The following GPHN variants were observed in gnomAD, a reference collection of about 807,000 sequenced individuals.
GPHN encodes the protein gephyrin.
GPHN carries 17 observed loss-of-function variants against 95.5 expected under a neutral mutation model. That is an observed-to-expected ratio of 0.18 (90% CI 0.12 to 0.27). The LOEUF is 0.27. Among genes scored for constraint, GPHN ranks in the 10% least tolerant of loss-of-function variants. The pLI is 1.00. For missense variants in GPHN, 660 were observed against 978.1 expected, an observed-to-expected ratio of 0.67 and a Z score of 4.34; for synonymous variants, 320 against 322.5, an observed-to-expected ratio of 0.99 and a Z score of 0.08.
At chr14:66,508,935 T>A (rs376265790) in intron 1 of GPHN, 15 of 368,580 alleles carry the variant, frequency 4.1e-5, no homozygotes, top group East Asian at 2.7e-4. Context: ...CTCCGCAGTC[T>A]GAAGCATGCC....
At chr14:66,600,886 A>G (rs1303613213) in intron 1 of GPHN, among the ~76,000 whole-genome samples, 1 of 152,088 alleles carries the variant, frequency 6.6e-6, no homozygotes, top group Non-Finnish European at 1.5e-5. Context: ...CCTCCTGCAC[A>G]TTTCCACAAA....
chr14:67,497,717 G>A, the GPHN span, among the ~76,000 whole-genome samples: 2 of 152,186 alleles, frequency 1.3e-5, no homozygotes, highest in African/African-American at 2.4e-5. Context: ...ACTGTACTTT[G>A]TGTTCTTTTG....
chr14:67,023,667 T>C lies in GPHN; in HGVS notation c.998T>C (p.Leu333Pro). ...QSRCSSKENI[L>P]RASHSAVDIT... is the part of the protein sequence containing the mutation. ...AGGTGCAGCAGCAAGGAGAACATTC[T>C]CAGAGCCAGTAAGTATTTTACCATT... Residue 333 changes from leucine (L) to proline (P), a missense_variant, in exon 10 of 23, where the codon CTC becomes CCC. Physicochemically the swap from Leu to Pro is moderately conservative, Grantham distance 98. Transcript: ENST00000478722. 2 of 1,612,650 alleles carry C rather than the reference T, an allele frequency of 1.2e-6. No individual in the cohort carries two copies. Among genetic ancestry groups the C allele is most frequent in the Non-Finnish European group, 1.7e-6 (2 of 1,178,778 alleles).
At chr14:67,198,049 A>G in the GPHN span, 1 of 1,313,166 alleles carries the variant, frequency 7.6e-7, no homozygotes, top group Non-Finnish European at 1.0e-6. Context: ...TATTGATAAA[A>G]TTTGCTGAAT....
At chr14:66,815,013 G>C (rs2153485686) in intron 3 of GPHN, among the ~76,000 whole-genome samples, 1 of 152,230 alleles carries the variant, frequency 6.6e-6, no homozygotes, top group South Asian at 2.1e-4. Flanking sequence ...AGTTCATAAT[G>C]CAATCACAAT....
the GPHN span, among the ~76,000 whole-genome samples, chr14:67,309,264 G>A: frequency 6.6e-6 from 1 of 152,118 alleles, no homozygotes; most frequent in Non-Finnish European, 1.5e-5. Context: ...AAGATTGGTG[G>A]AGATAACTTC....
chr14:67,521,988 A>G, the GPHN span, among the ~76,000 whole-genome samples: 1 of 152,100 alleles, frequency 6.6e-6, no homozygotes, highest in Non-Finnish European at 1.5e-5. Flanking sequence ...CAGCCTGACT[A>G]ACATAGTGAA....
chr14:67,392,839 C>G, the GPHN span: 55 of 1,610,230 alleles, frequency 3.4e-5, no homozygotes, highest in Middle Eastern at 1.7e-4. Context: ...GCCAGTCCAC[C>G]AGGGAGGAGC....
At chr14:66,910,941 A>G (rs868358547) in intron 5 of GPHN, among the ~76,000 whole-genome samples, 5 of 152,060 alleles carry the variant, frequency 3.3e-5, no homozygotes, top group African/African-American at 1.2e-4. Context: ...ATAGCTATGC[A>G]TATCAGCATG....
At chr14:67,278,984 C>G in the GPHN span, 1 of 524,320 alleles carries the variant, frequency 1.9e-6, no homozygotes, top group Non-Finnish European at 3.2e-6. Context: ...TATTGTAATT[C>G]TTACACTTTT....
the GPHN span, among the ~76,000 whole-genome samples, chr14:67,307,522 A>C: frequency 1.3e-5 from 2 of 152,246 alleles, no homozygotes; most frequent in East Asian, 3.8e-4. Flanking sequence ...GGCACTACAG[A>C]GATAACTGTG....
chr14:66,829,082 C>G, intron 4 of GPHN, among the ~76,000 whole-genome samples: 1 of 80,096 alleles, frequency 1.2e-5, no homozygotes, highest in East Asian at 3.3e-4. Context: ...GATTGCTTGC[C>G]TTTTTTTTTT....
At chr14:67,696,290 A>C in the GPHN span, among the ~76,000 whole-genome samples, 1 of 152,178 alleles carries the variant, frequency 6.6e-6, no homozygotes, top group Non-Finnish European at 1.5e-5. Flanking sequence ...AATCCTGGTT[A>C]GGCAGTTACC....
intron 11 of GPHN, among the ~76,000 whole-genome samples, chr14:67,076,517 C>G (rs1207884573): frequency 6.6e-6 from 1 of 151,968 alleles, no homozygotes; most frequent in Non-Finnish European, 1.5e-5. Context: ...TCATAGTAAC[C>G]CTCTTAATCC....
intron 10 of GPHN, among the ~76,000 whole-genome samples, chr14:67,039,517 G>C (rs117822119): frequency 0.024 from 3,686 of 152,338 alleles, 71 homozygotes; most frequent in Non-Finnish European, 0.036. Context: ...TCCCAGGCCA[G>C]GTGCAGTGGC....
At chr14:66,894,465 G>A (rs1211161422) in intron 5 of GPHN, among the ~76,000 whole-genome samples, 1 of 152,194 alleles carries the variant, frequency 6.6e-6, no homozygotes, top group Non-Finnish European at 1.5e-5. Flanking sequence ...AAGACTTCAT[G>A]TCTAAAACAC....
At chr14:66,509,453 T>C (rs567826495) in intron 1 of GPHN, 2 of 152,128 alleles carry the variant, frequency 1.3e-5, no homozygotes, top group Non-Finnish European at 2.9e-5. Flanking sequence ...GCGAAAGCCG[T>C]GTGTGTTCTG....
At chr14:67,721,829 A>G in the GPHN span, among the ~76,000 whole-genome samples, 1 of 151,856 alleles carries the variant, frequency 6.6e-6, no homozygotes, top group South Asian at 2.1e-4. Context: ...TACAAGTGAG[A>G]AAACTGAGTT....
chr14:66,682,326 T>A (rs1394499167), intron 2 of GPHN, among the ~76,000 whole-genome samples: 1 of 152,220 alleles, frequency 6.6e-6, no homozygotes, highest in Non-Finnish European at 1.5e-5. Context: ...TAACCAACAA[T>A]GTAATTATTC....
Sources: allele counts gnomAD v4.1 joint callset (sites outside exome capture counted in the v4.1 genomes callset), GRCh38; gene constraint gnomAD v4.1.1; transcripts MANE v1.5; gene names NCBI Gene and HGNC (gene_info 2026-07-23, HGNC 2026-07-21).